Variants in PRRC2C observed in about 807,000 individuals in gnomAD.
The protein encoded by PRRC2C is protein PRRC2C.
A neutral mutation model predicts 317.2 loss-of-function variants in PRRC2C; 72 were observed. That is an observed-to-expected ratio of 0.23 (90% CI 0.19 to 0.28). PRRC2C has a LOEUF of 0.28. PRRC2C is among the 10% of genes least tolerant of loss of function. The pLI, the probability that PRRC2C is intolerant of heterozygous loss-of-function variation, is 1.00. For synonymous variants in PRRC2C, 1,296 were observed against 1,205.9 expected, an observed-to-expected ratio of 1.07 and a Z score of -1.55; for missense variants, 3,074 against 3,459.7, an observed-to-expected ratio of 0.89 and a Z score of 2.80.
chr1:171,587,153 G>C lies in PRRC2C; in HGVS notation c.7900G>C (p.Val2634Leu), dbSNP rs748035612. The C allele has an allele frequency of 6.2e-7, 1 of 1,611,056 alleles. No homozygotes were observed. The highest frequency in any genetic ancestry group is 1.3e-5 in the African/African-American group (1 of 74,876). Residue 2634 changes from valine to leucine, a missense_variant, in exon 31 of 35, where the codon GTA (valine) becomes CTA (leucine). By Grantham distance (32) the Val-to-Leu change is conservative (BLOSUM62 1). Around this residue, in one of 11 missense-constraint regions of PRRC2C, gnomAD observed 490 missense variants for 663.1 expected, o/e 0.74. Transcript: ENST00000647382. ...QAQSLSRPAQ[V>L]SQPFRGLIPA... ...TCAGAGTCTGAGTCGTCCTGCACAAGTAAGCCAGCCTTTCAGAGGATTAAT... is the reference window on the plus strand; with the variant it reads ...TCAGAGTCTGAGTCGTCCTGCACAACTAAGCCAGCCTTTCAGAGGATTAAT...
At chr1:171,491,399 C>G (rs1667117721) in intron 1 of PRRC2C, among the ~76,000 whole-genome samples, 1 of 152,238 alleles carries the variant, frequency 6.6e-6, no homozygotes, top group African/African-American at 2.4e-5. Flanking sequence ...TGTGCCCCAG[C>G]TTAGGCCTCG....
intron 1 of PRRC2C, among the ~76,000 whole-genome samples, chr1:171,503,742 C>A (rs1669622869): frequency 6.6e-6 from 1 of 152,028 alleles, no homozygotes; most frequent in African/African-American, 2.4e-5. Context: ...TAAAGACATA[C>A]CCAAGACTGG....
rs372529888 is a variant in PRRC2C, at chr1:171,568,802, A to AT, written c.6651+464dup. On this transcript the variant is annotated intron_variant, in intron 23 of 34. Transcript: ENST00000647382. ...CAAGTATGTCTTTAAAAAAGAAAAAATACCAGCGTGTTAACAACATTCTTG... is the reference window on the plus strand; with the variant it reads ...CAAGTATGTCTTTAAAAAAGAAAAAATTACCAGCGTGTTAACAACATTCTTG... 2.7e-3 allele frequency among the ~76,000 whole-genome samples: 414 copies of AT among 152,036 alleles called. 4 individuals are homozygous for AT. The highest frequency in any genetic ancestry group is 9.4e-3 in the African/African-American group (389 of 41,266).
rs748243559 is a variant in PRRC2C, at chr1:171,557,555, G to C, written c.5443G>C (p.Ala1815Pro). The stretch of plus-strand genomic sequence containing the variant: ...ACCCTTAGCTCCAGTTTCAGCCTCA[G>C]CCTCAGTCTCAGCTTCAGTTCCAGC... ...ASPLAPVSASASVSASVPAST... is the reference protein window; with the variant it reads ...ASPLAPVSASPSVSASVPAST... The change falls in exon 19 of 35, where the codon GCC becomes CCC. Residue 1815 changes from alanine (A) to proline (P), a missense_variant. Ala to Pro is a conservative substitution (Grantham distance 27, BLOSUM62 -1). This residue lies in a region of PRRC2C where 640 missense variants were observed against 676.1 expected (regional missense o/e 0.95). Transcript: ENST00000647382. 1 of 1,550,772 alleles carries C rather than the reference G, an allele frequency of 6.4e-7. No individual in the cohort carries two copies. Among genetic ancestry groups the C allele is most frequent in the Non-Finnish European group, 8.7e-7 (1 of 1,146,812 alleles).
chr1:171,521,354 C>G (rs1453475203), intron 6 of PRRC2C, among the ~76,000 whole-genome samples: 1 of 152,064 alleles, frequency 6.6e-6, no homozygotes. Flanking sequence ...GGATGAATCC[C>G]TTGGTGTTAT....
In PRRC2C at chr1:171,541,038, G is replaced by A. The variant is rs1677852537; in HGVS notation, c.3572G>A (p.Gly1191Asp). Residue 1191 changes from glycine to aspartate, a missense_variant, in exon 16 of 35, where the codon GGC becomes GAC. Physicochemically the swap from Gly to Asp is moderately conservative, Grantham distance 94. Coordinates refer to ENST00000647382, the MANE Select transcript of PRRC2C (RefSeq NM_001387844.1). This position sits in a 1 kb window ranked among gnomAD's most constrained non-coding sequence, Gnocchi z 4.1. ...WFPDQGYRGR[G>D]RGEYYSRGRS... ...CCAGATCAAGGATACAGAGGTCGAG[G>A]CCGAGGTGAATATTACTCCAGAGGT... 6.2e-7 allele frequency: 1 copy of A among 1,613,248 alleles called. No individual in the cohort carries two copies. The highest frequency in any genetic ancestry group is 8.5e-7 in the Non-Finnish European group (1 of 1,179,654).
chr1:171,566,852 C>T lies in PRRC2C; in HGVS notation c.6558+9C>T, dbSNP rs368399935. 1.4e-5 allele frequency: 22 copies of T among 1,601,086 alleles called. No individual in the cohort carries two copies. The highest frequency in any genetic ancestry group is 1.8e-5 in the Non-Finnish European group (21 of 1,174,532). On this transcript the variant is annotated intron_variant, in intron 22 of 34. Transcript: ENST00000647382. The stretch of plus-strand genomic sequence containing the variant: ...ATGGTACTAATGCAAAGGTAAGCCA[C>T]ATGTAGGGATTACCAGTTCAACAGA...
chr1:171,524,990 T>C, intron 10 of PRRC2C, 25 bp downstream of exon 10: 1 of 1,545,558 alleles, frequency 6.5e-7, no homozygotes, highest in African/African-American at 1.4e-5. Context: ...TGGAGATCCT[T>C]GTTATTGCAA....
At chr1:171,517,875 G>A (rs1672666497) in intron 6 of PRRC2C, 61 bp downstream of exon 6, 1 of 1,446,368 alleles carries the variant, frequency 6.9e-7, no homozygotes. Context: ...GGTCCAAGGA[G>A]CGAATTGTTA....
rs147935820 is a variant in PRRC2C at position 171,532,649 on chromosome 1, C to T, written c.1561C>T (p.Leu521Phe). The T allele has an allele frequency of 2.5e-4, 390 of 1,550,590 alleles. No individual in the cohort carries two copies. Among genetic ancestry groups the T allele is most frequent in the African/African-American group, 5.8e-4 (42 of 72,672 alleles). ...AAAAGAACGGGAGCGTGAGAAAGAA[C>T]TTGAAAAAGAACAAGAACAGGAGCG... The part of the protein sequence containing the change: ...REKEREREKE[L>F]EKEQEQEREK... Residue 521 changes from leucine to phenylalanine, a missense_variant, in exon 12 of 35, where the codon CTT (leucine) becomes TTT (phenylalanine). Coordinates refer to ENST00000647382, the MANE Select transcript of PRRC2C (RefSeq NM_001387844.1).
At chr1:171,531,005 C>T (rs1204893900) in intron 11 of PRRC2C, among the ~76,000 whole-genome samples, 3 of 152,158 alleles carry the variant, frequency 2.0e-5, no homozygotes, top group Non-Finnish European at 1.5e-5. Context: ...GTCTATCATA[C>T]ATGAAACAAC....
At chr1:171,567,496 T>G (rs1210882247) in intron 22 of PRRC2C, among the ~76,000 whole-genome samples, 1 of 152,230 alleles carries the variant, frequency 6.6e-6, no homozygotes, top group Non-Finnish European at 1.5e-5. Flanking sequence ...TCTTTTTAAT[T>G]GCCATACAGC....
At chr1:171,535,874 T>A (rs2102453435) in intron 13 of PRRC2C, among the ~76,000 whole-genome samples, 155 bp from the exon 14 acceptor site, 1 of 152,350 alleles carries the variant, frequency 6.6e-6, no homozygotes, top group East Asian at 1.9e-4. Context: ...CATCTTTCAG[T>A]TTTTTGTCTT....
intron 12 of PRRC2C, among the ~76,000 whole-genome samples, chr1:171,533,219 C>T (rs1402281432): frequency 2.0e-5 from 3 of 152,200 alleles, no homozygotes; most frequent in East Asian, 1.9e-4. Context: ...TTCATAGTCA[C>T]ATATACTGAT....
intron 18 of PRRC2C, among the ~76,000 whole-genome samples, chr1:171,556,029 T>C (rs1681312765): frequency 1.3e-5 from 2 of 152,120 alleles, no homozygotes; most frequent in Non-Finnish European, 2.9e-5. Context: ...CCCCAGAGCA[T>C]ACAGAGTCTA....
chr1:171,586,393 G>C (rs1212445147), intron 30 of PRRC2C, among the ~76,000 whole-genome samples: 1 of 150,598 alleles, frequency 6.6e-6, no homozygotes, highest in Non-Finnish European at 1.5e-5. Context: ...GCCTGGACTT[G>C]GTGTCAAATT....
Position 171,571,312 on chromosome 1 carries a change from C to A in PRRC2C, c.6652-8C>A. On this transcript the variant is annotated splice_region_variant and splice_polypyrimidine_tract_variant and intron_variant, in intron 23 of 34. Coordinates refer to ENST00000647382, the MANE Select transcript of PRRC2C (RefSeq NM_001387844.1). ...TTAGATTGTGATATGTGTTGCCTAC[C>A]TTTTCAGGTGCCCCTGCCCAACACC... 6.4e-7 allele frequency: 1 copy of A among 1,556,206 alleles called. No individual in the cohort carries two copies. The highest frequency in any genetic ancestry group is 1.7e-5 in the Admixed American group (1 of 59,712).
At chr1:171,501,320 A>G (rs1669078377) in intron 1 of PRRC2C, among the ~76,000 whole-genome samples, 1 of 152,112 alleles carries the variant, frequency 6.6e-6, no homozygotes, top group African/African-American at 2.4e-5. Flanking sequence ...TTGTAGAAAC[A>G]GAGTTTTGTC....
chr1:171,493,717 G>A (rs970229092), intron 1 of PRRC2C, among the ~76,000 whole-genome samples: 10 of 152,094 alleles, frequency 6.6e-5, no homozygotes, highest in Admixed American at 6.6e-4. Context: ...CTACTCAGGA[G>A]GCTGAGGCTG....
Sources: allele counts gnomAD v4.1 joint callset (sites outside exome capture counted in the v4.1 genomes callset), GRCh38; gene constraint gnomAD v4.1.1; regional missense constraint gnomAD v4.1.1; non-coding constraint Gnocchi (gnomAD v3.1); transcripts MANE v1.5; gene names NCBI Gene and HGNC (gene_info 2026-07-23, HGNC 2026-07-21).